Variants in ICA1L observed in about 807,000 individuals in gnomAD.
ICA1L encodes the protein islet cell autoantigen 1-like protein.
A neutral mutation model predicts 61.3 loss-of-function variants in ICA1L; 50 were observed. The observed-to-expected ratio is 0.82, with a 90% CI of 0.65 to 1.03. ICA1L has a LOEUF of 1.03. Among genes scored for constraint, ICA1L ranks in the 50% least tolerant of loss-of-function variants. The pLI, the probability that ICA1L is intolerant of heterozygous loss-of-function variation, is 0.00. For missense variants in ICA1L, 508 were observed against 556.7 expected (o/e 0.91, Z 0.88); for synonymous variants, 161 against 191.3 (o/e 0.84, Z 1.31).
intron 11 of ICA1L, among the ~76,000 whole-genome samples, chr2:202,787,396 C>T (rs1396708966): frequency 6.6e-6 from 1 of 152,146 alleles, no homozygotes; most frequent in Non-Finnish European, 1.5e-5. Context: ...AGAATGAAAT[C>T]AGTTTGTAAA....
intron 1 of ICA1L, among the ~76,000 whole-genome samples, chr2:202,846,937 C>T (rs1027036828): frequency 4.6e-5 from 7 of 152,154 alleles, no homozygotes; most frequent in African/African-American, 1.4e-4. Flanking sequence ...TGCTAACAAT[C>T]GAACACCTAA....
At chr2:202,803,574 G>A (rs1693148523) in intron 9 of ICA1L, among the ~76,000 whole-genome samples, 2 of 151,966 alleles carry the variant, frequency 1.3e-5, no homozygotes, top group South Asian at 2.1e-4. Context: ...TCACTCTGTC[G>A]ACCATGCTGG....
chr2:202,862,859 A>T lies in ICA1L; in HGVS notation c.-8+8760T>A, dbSNP rs575439981. 3.8e-4 allele frequency among the ~76,000 whole-genome samples: 58 copies of T among 152,004 alleles called. No individual in the cohort carries two copies. In the Middle Eastern group the frequency reaches 0.01, roughly 27 times the overall value. On this transcript the variant is annotated intron_variant, in intron 1 of 12. Transcript: ENST00000358299. ...TCTTAAAAAAAAAAGAATAAATATA[A>T]ATAAATAAATAAAGGGTCAAAGAAA...
intron 1 of ICA1L, among the ~76,000 whole-genome samples, chr2:202,865,088 G>C (rs1005103236): frequency 2.0e-5 from 3 of 149,228 alleles, no homozygotes; most frequent in Non-Finnish European, 1.5e-5. Flanking sequence ...GCTTGAATCC[G>C]GGAGGTGGAG....
chr2:202,842,675 G>A (rs1461870579), intron 1 of ICA1L, among the ~76,000 whole-genome samples: 1 of 151,900 alleles, frequency 6.6e-6, no homozygotes. Flanking sequence ...TCTCATACCT[G>A]GATATTTATA....
intron 1 of ICA1L, among the ~76,000 whole-genome samples, chr2:202,861,657 C>A (rs1285204180): frequency 6.6e-6 from 1 of 151,286 alleles, no homozygotes; most frequent in Non-Finnish European, 1.5e-5. Context: ...GAGGCTGAGG[C>A]GGGCGGATCA....
At chr2:202,814,478 C>T (rs1180116665) in intron 8 of ICA1L, among the ~76,000 whole-genome samples, 2 of 152,184 alleles carry the variant, frequency 1.3e-5, no homozygotes, top group Non-Finnish European at 2.9e-5. Flanking sequence ...AACTTCCCAG[C>T]CAGCAGAACC....
chr2:202,787,801 T>C (rs914918443), intron 11 of ICA1L, among the ~76,000 whole-genome samples: 1 of 152,108 alleles, frequency 6.6e-6, no homozygotes, highest in African/African-American at 2.4e-5. Context: ...CAAGATAAAG[T>C]AGGATTAGAA....
rs546684739 is a variant in ICA1L at position 202,776,954 on chromosome 2, T to G, written c.*2579A>C. 19 of 151,380 alleles carry G rather than the reference T, an allele frequency of 1.3e-4. No homozygotes were observed. Among genetic ancestry groups the G allele is most frequent in the African/African-American group, 4.6e-4 (19 of 41,178 alleles). The allele number at this position is 151,380 out of a possible 1,614,324, so 9.4% of individuals were successfully genotyped here. ...GATAACAGGGACTTCCTTGCACACATGTGAGGGAGATAAATATCTCAGAAC... is the reference window on the plus strand; with the variant it reads ...GATAACAGGGACTTCCTTGCACACAGGTGAGGGAGATAAATATCTCAGAAC... On this transcript the variant is annotated 3_prime_UTR_variant, in exon 13 of 13. Transcript: ENST00000358299.
chr2:202,833,067 G>A (rs1866423), intron 1 of ICA1L, among the ~76,000 whole-genome samples: 59,174 of 151,062 alleles, frequency 0.39, 13,080 homozygotes, highest in Middle Eastern at 0.65. Context: ...CAGACAAACT[G>A]CTTAAATCTA....
intron 8 of ICA1L, among the ~76,000 whole-genome samples, chr2:202,812,437 C>T (rs559656379): frequency 1.4e-3 from 207 of 152,056 alleles, no homozygotes; most frequent in African/African-American, 4.8e-3. Context: ...ATTAGCTGGG[C>T]ATGGTGGCAT....
At chr2:202,850,785 A>C (rs1694594209) in intron 1 of ICA1L, among the ~76,000 whole-genome samples, 1 of 152,184 alleles carries the variant, frequency 6.6e-6, no homozygotes, top group African/African-American at 2.4e-5. Context: ...GGAAATACAG[A>C]GAACACCACT....
Position 202,774,371 on chromosome 2 carries a change from C to T in ICA1L, c.*5162G>A, listed in dbSNP as rs917353322. The T allele has an allele frequency of 8.4e-6, 11 of 1,305,470 alleles. No homozygotes were observed. Among genetic ancestry groups the T allele is most frequent in the East Asian group, 6.7e-5 (2 of 29,908 alleles). 80.9% of individuals were successfully genotyped at this position (1,305,470 alleles called of 1,614,324 possible). ...GCGCGCTCCGCTCAGCGTGGTCTGGCAGCCGGAGACCAGGCCTCACTGCGC... is the reference window on the plus strand; with the variant it reads ...GCGCGCTCCGCTCAGCGTGGTCTGGTAGCCGGAGACCAGGCCTCACTGCGC... On this transcript the variant is annotated 3_prime_UTR_variant, in exon 13 of 13. Coordinates refer to ENST00000358299, the MANE Select transcript of ICA1L (RefSeq NM_001288622.3).
intron 5 of ICA1L, chr2:202,819,486 T>C: frequency 7.6e-6 from 4 of 524,440 alleles, no homozygotes; most frequent in Non-Finnish European, 1.0e-5. Flanking sequence ...GATTAAAAAA[T>C]TAATAAAAAA....
intron 1 of ICA1L, among the ~76,000 whole-genome samples, chr2:202,848,552 T>C (rs1425084474): frequency 6.6e-6 from 1 of 152,160 alleles, no homozygotes; most frequent in African/African-American, 2.4e-5. Context: ...GTTAGGTACA[T>C]CCAGCAAATT....
intron 1 of ICA1L, among the ~76,000 whole-genome samples, chr2:202,831,199 A>G (rs1694006661): frequency 6.6e-6 from 1 of 152,226 alleles, no homozygotes; most frequent in South Asian, 2.1e-4. Flanking sequence ...AGTATATATT[A>G]ATCACCATTT....
rs1294945244 is a variant in ICA1L at position 202,790,615 on chromosome 2, G to T, written c.986-1528C>A. Reference sequence around the variant, plus strand: ...ATCCCGTCCCCAGTTACCTGTTGCTGAGGCTAAGTCCTAGGTGAGTGCAGT... The same window carrying T: ...ATCCCGTCCCCAGTTACCTGTTGCTTAGGCTAAGTCCTAGGTGAGTGCAGT... On this transcript the variant is annotated intron_variant, in intron 10 of 12. Coordinates refer to ENST00000358299, the MANE Select transcript of ICA1L (RefSeq NM_001288622.3). Among the ~76,000 whole-genome samples, 3 of 152,118 alleles carry T rather than the reference G, an allele frequency of 2.0e-5. No homozygotes were observed. The South Asian group carries it at 6.2e-4, about 32-fold the overall frequency.
chr2:202,819,577 C>A (rs1027628173), intron 5 of ICA1L, 124 bp downstream of exon 5: 25 of 763,854 alleles, frequency 3.3e-5, no homozygotes, highest in African/African-American at 5.3e-5. Flanking sequence ...AGTCTCCAAG[C>A]AACCAAGAAT....
chr2:202,788,090 G>A (rs1692642597), intron 11 of ICA1L, among the ~76,000 whole-genome samples: 1 of 152,186 alleles, frequency 6.6e-6, no homozygotes, highest in Non-Finnish European at 1.5e-5. Context: ...AGATATGGGT[G>A]GAAATGCGAC....
Sources: allele counts gnomAD v4.1 joint callset (sites outside exome capture counted in the v4.1 genomes callset), GRCh38; gene constraint gnomAD v4.1.1; transcripts MANE v1.5; gene names NCBI Gene and HGNC (gene_info 2026-07-23, HGNC 2026-07-21).